THEMIS: variants seen among roughly 807,000 people sequenced by gnomAD.
The protein encoded by THEMIS is thymocyte selection associated, also known as protein THEMIS.
THEMIS carries 37 observed loss-of-function variants against 52.6 expected under a neutral mutation model. That is an observed-to-expected ratio of 0.70 (90% CI 0.54 to 0.93). The LOEUF is 0.93. Among genes scored for constraint, THEMIS ranks in the 40% least tolerant of loss-of-function variants. THEMIS has a pLI of 0.00. For missense variants in THEMIS, 808 were observed against 763.1 expected (o/e 1.06, Z -0.69); for synonymous variants, 292 against 272.7 (o/e 1.07, Z -0.70).
At chr6:127,801,150 G>A (rs1158046294) in intron 4 of THEMIS, among the ~76,000 whole-genome samples, 2 of 152,116 alleles carry the variant, frequency 1.3e-5, no homozygotes, top group African/African-American at 4.8e-5. Flanking sequence ...CTCATGAGAG[G>A]CAAGGAGTTT....
rs1778524011 is a variant in THEMIS, at chr6:127,826,858, T to C, written c.709+2618A>G. Among the ~76,000 whole-genome samples, 4 of 152,256 alleles carry C rather than the reference T, an allele frequency of 2.6e-5. No homozygotes were observed. The South Asian group carries it at 8.3e-4, about 32-fold the overall frequency. On this transcript the variant is annotated intron_variant, in intron 3 of 5. Coordinates refer to ENST00000368248, the MANE Select transcript of THEMIS (RefSeq NM_001010923.3). ...AATTTTTTCTAAATCATTAAATGTG[T>C]GATGAGGGTTGGGGGGTTCAGACCT...
At chr6:127,883,798 G>C (rs1780561085) in intron 1 of THEMIS, among the ~76,000 whole-genome samples, 1 of 152,072 alleles carries the variant, frequency 6.6e-6, no homozygotes, top group South Asian at 2.1e-4. Context: ...GCACATTTAA[G>C]GTAGGCTAGG....
rs376099062 is a variant in THEMIS, at chr6:127,900,908, C to A, written c.25G>T (p.Val9Phe). The change falls in exon 1 of 6, where the codon GTC becomes TTC. Residue 9 changes from valine to phenylalanine, a missense_variant. By Grantham distance (50) the Val-to-Phe change is conservative (BLOSUM62 -1). Coordinates refer to ENST00000368248, the MANE Select transcript of THEMIS (RefSeq NM_001010923.3). ...AGGGTCCTGAGGTCAAGGGAGTGGA[C>A]GAATTCTTCCAGTGATAATGCCATT... MALSLEEF[V>F]HSLDLRTLPR... 8.7e-6 allele frequency: 14 copies of A among 1,613,020 alleles called. No homozygotes were observed. In the East Asian group the frequency reaches 3.1e-4, roughly 36 times the overall value.
At chr6:127,899,695 T>A (rs1487605008) in intron 1 of THEMIS, among the ~76,000 whole-genome samples, 2 of 151,622 alleles carry the variant, frequency 1.3e-5, no homozygotes, top group Non-Finnish European at 2.9e-5. Flanking sequence ...AAAGAAAGAC[T>A]TTTTACGTAA....
At chr6:127,703,884 T>C (rs1309752236), downstream of THEMIS, among the ~76,000 whole-genome samples, 2 of 152,092 alleles carry the variant, frequency 1.3e-5, no homozygotes, top group Non-Finnish European at 2.9e-5. Flanking sequence ...TTGCTCACCA[T>C]TATGGAGGCT....
intron 4 of THEMIS, among the ~76,000 whole-genome samples, chr6:127,808,079 A>G (rs1250341984): frequency 6.6e-6 from 1 of 152,104 alleles, no homozygotes; most frequent in Non-Finnish European, 1.5e-5. Context: ...TTCTTGTCCG[A>G]CAGAAATCTA....
chr6:127,834,632 G>T (rs542298965), intron 2 of THEMIS, among the ~76,000 whole-genome samples: 1 of 152,098 alleles, frequency 6.6e-6, no homozygotes. Context: ...ACTGTCTGCA[G>T]TAGCTATTAA....
chr6:127,708,096 C>T (rs947500441), downstream of THEMIS: 1 of 152,016 alleles, frequency 6.6e-6, no homozygotes, highest in African/African-American at 2.4e-5. Context: ...CAGCCCCCTC[C>T]TTAGTGAACA....
At chr6:127,830,985 A>G (rs1247992197) in intron 2 of THEMIS, among the ~76,000 whole-genome samples, 4 of 152,206 alleles carry the variant, frequency 2.6e-5, no homozygotes. Context: ...ACACACATTA[A>G]TAAATCACAA....
At chr6:127,868,136 T>A (rs1486257065) in intron 1 of THEMIS, among the ~76,000 whole-genome samples, 2 of 152,156 alleles carry the variant, frequency 1.3e-5, no homozygotes, top group East Asian at 3.8e-4. Context: ...TAATATTACC[T>A]CAAATGGCTT....
chr6:127,825,875 G>A (rs913412319), intron 3 of THEMIS, among the ~76,000 whole-genome samples: 3 of 151,590 alleles, frequency 2.0e-5, no homozygotes, highest in Admixed American at 6.6e-5. Context: ...AGAAAATCAA[G>A]CAAAGAAAAC....
intron 1 of THEMIS, among the ~76,000 whole-genome samples, chr6:127,876,863 A>G (rs1394659009): frequency 6.6e-6 from 1 of 152,196 alleles, no homozygotes; most frequent in African/African-American, 2.4e-5. Context: ...ATTTACTTAA[A>G]ATACTTCAGC....
intron 1 of THEMIS, among the ~76,000 whole-genome samples, chr6:127,888,622 A>G (rs1333717799): frequency 6.6e-6 from 1 of 152,068 alleles, no homozygotes; most frequent in African/African-American, 2.4e-5. Context: ...ATTACCAACC[A>G]TGCACATGTG....
intron 2 of THEMIS, among the ~76,000 whole-genome samples, chr6:127,844,848 C>T (rs1779163530): frequency 6.6e-6 from 1 of 151,878 alleles, no homozygotes; most frequent in Admixed American, 6.6e-5. Flanking sequence ...TGTTTTCTAG[C>T]TCATAAAATA....
chr6:127,746,029 G>C (rs1775376679), intron 4 of THEMIS, among the ~76,000 whole-genome samples: 1 of 151,758 alleles, frequency 6.6e-6, no homozygotes, highest in South Asian at 2.1e-4. Context: ...TAAATTGTTT[G>C]ATATTAGTAC....
At chr6:127,735,316 T>C (rs899113992) in intron 4 of THEMIS, among the ~76,000 whole-genome samples, 1 of 151,362 alleles carries the variant, frequency 6.6e-6, no homozygotes, top group African/African-American at 2.4e-5. Flanking sequence ...GGGGCGTGTG[T>C]GCGTGTGTGT....
chr6:127,750,598 C>T (rs2114333941), intron 4 of THEMIS, among the ~76,000 whole-genome samples: 1 of 151,852 alleles, frequency 6.6e-6, no homozygotes, highest in East Asian at 1.9e-4. Flanking sequence ...CATAGTCAAA[C>T]TAGAACTTTT....
chr6:127,737,168 T>G (rs887338481), intron 4 of THEMIS, among the ~76,000 whole-genome samples: 4 of 152,182 alleles, frequency 2.6e-5, no homozygotes, highest in Non-Finnish European at 5.9e-5. Flanking sequence ...GTGTAGCTAC[T>G]CCTGGCTGAG....
In THEMIS at chr6:127,813,483, C is replaced by G; in HGVS notation, c.1158G>C (p.Gly386=). The G allele has an allele frequency of 6.2e-7, 1 of 1,613,986 alleles. No homozygotes were observed. The highest frequency in any genetic ancestry group is 1.1e-5 in the South Asian group (1 of 91,072). The change falls in exon 4 of 6, where the codon GGG becomes GGC. Residue 386 remains glycine, a synonymous_variant. Transcript: ENST00000368248. The part of the protein sequence containing the change: ...PHDKLSSVSV[G]DQFLVHQSET... ...CTGACTGATGCACCAGAAACTGGTCCCCAACAGATACGGATGACAGCTTGT... is the reference window on the plus strand; with the variant it reads ...CTGACTGATGCACCAGAAACTGGTCGCCAACAGATACGGATGACAGCTTGT...
Sources: allele counts gnomAD v4.1 joint callset (sites outside exome capture counted in the v4.1 genomes callset), GRCh38; gene constraint gnomAD v4.1.1; transcripts MANE v1.5; gene names NCBI Gene and HGNC (gene_info 2026-07-23, HGNC 2026-07-21).